FAM228B: variants seen among roughly 807,000 people sequenced by gnomAD.
FAM228B encodes the protein family with sequence similarity 228 member B, also known as protein FAM228B.
A neutral mutation model predicts 42.6 loss-of-function variants in FAM228B; 38 were observed. That is an observed-to-expected ratio of 0.89 (90% CI 0.69 to 1.17). The LOEUF (loss-of-function observed/expected upper bound fraction) is 1.17. Ranked by LOEUF, FAM228B falls within the 50% of genes most tolerant of loss-of-function variation. FAM228B has a pLI of 0.00. For synonymous variants in FAM228B, 109 were observed against 122.3 expected, an observed-to-expected ratio of 0.89 and a Z score of 0.72; for missense variants, 344 against 367.3, an observed-to-expected ratio of 0.94 and a Z score of 0.52.
rs904302981 is a variant in FAM228B at position 24,081,011 on chromosome 2, A to G, written c.-210+56A>G. The G allele has an allele frequency of 1.2e-6, 2 of 1,613,990 alleles. No individual in the cohort carries two copies. Among genetic ancestry groups the G allele is most frequent in the Non-Finnish European group, 1.7e-6 (2 of 1,179,928 alleles). The stretch of plus-strand genomic sequence containing the variant: ...CTCAGTCCTGCATGGATTAGCACAT[A>G]GTCTCCAGCCTGAACATTTCCTGTG... On this transcript the variant is annotated intron_variant, in intron 2 of 10. Coordinates refer to the FAM228B transcript ENST00000613899.
intron 9 of FAM228B, among the ~76,000 whole-genome samples, chr2:24,167,121 C>T (rs1405807517): frequency 1.3e-5 from 2 of 152,122 alleles, no homozygotes; most frequent in African/African-American, 2.4e-5. Context: ...ACATGGCTGC[C>T]GCATAAGCAA....
At chr2:24,130,137 A>G (rs908404950) in intron 2 of FAM228B, among the ~76,000 whole-genome samples, 1 of 152,226 alleles carries the variant, frequency 6.6e-6, no homozygotes, top group Non-Finnish European at 1.5e-5. Flanking sequence ...TGCAAAGGAC[A>G]TGATCTCATT....
chr2:24,105,396 G>T (rs1398420243), intron 3 of FAM228B, among the ~76,000 whole-genome samples: 1 of 152,124 alleles, frequency 6.6e-6, no homozygotes, highest in Non-Finnish European at 1.5e-5. Context: ...CCTTGGTTTG[G>T]TTTGCCCTGT....
intron 7 of FAM228B, among the ~76,000 whole-genome samples, chr2:24,158,221 A>ATT (rs1667203237): frequency 7.9e-4 from 5 of 6,290 alleles, no homozygotes; most frequent in Admixed American, 2.0e-3. Flanking sequence ...TTTCCAAAAC[A>ATT]TTGTTCCCAA....
intron 2 of FAM228B, among the ~76,000 whole-genome samples, chr2:24,129,522 A>G (rs1279170094): frequency 6.6e-6 from 1 of 151,114 alleles, no homozygotes; most frequent in Non-Finnish European, 1.5e-5. Context: ...TTATTTTCTA[A>G]TCTTTATTCT....
intron 4 of FAM228B, 62 bp from the exon 5 acceptor site, chr2:24,139,308 A>C (rs1329618454): frequency 1.0e-6 from 1 of 975,614 alleles, no homozygotes; most frequent in Non-Finnish European, 1.5e-6. Flanking sequence ...TCAAGTCCTG[A>C]TATGCTCAAA....
chr2:24,143,326 GCC>G (rs112479070), intron 5 of FAM228B, among the ~76,000 whole-genome samples: 15,001 of 151,864 alleles, frequency 0.099, 1,665 homozygotes, highest in African/African-American at 0.27. Flanking sequence ...GACTACAGGC[GCC>G]CGCCACCACG....
In FAM228B at chr2:24,105,067, G is replaced by T. The variant is rs776390719; in HGVS notation, c.-121+9838G>T. Among the ~76,000 whole-genome samples, 6 of 152,248 alleles carry T rather than the reference G, an allele frequency of 3.9e-5. 1 individual carries two copies. The highest frequency in any genetic ancestry group is 7.3e-5 in the Non-Finnish European group (5 of 68,038). On this transcript the variant is annotated intron_variant, in intron 3 of 10. Transcript: ENST00000613899. ...TTGCACTGGAAACACCCAGACAGCA[G>T]GGCAGCCAACTGCATCCACCCACCC...
chr2:24,166,786 C>T (rs964759704), intron 9 of FAM228B, among the ~76,000 whole-genome samples: 2 of 152,096 alleles, frequency 1.3e-5, no homozygotes, highest in Admixed American at 6.5e-5. Flanking sequence ...TCTGAGATGA[C>T]GTTTGTGCAG....
intron 5 of FAM228B, among the ~76,000 whole-genome samples, chr2:24,143,893 A>T (rs925146558): frequency 6.6e-6 from 1 of 152,038 alleles, no homozygotes; most frequent in Non-Finnish European, 1.5e-5. Flanking sequence ...TACGCCTGTA[A>T]TCCCAGCTAC....
In FAM228B at chr2:24,084,562, A is replaced by T. The variant is rs1372470072; in HGVS notation, c.-210+3607A>T. ...CTGGGAAGTCCTCGGCCGCCTCCAG[A>T]CCGATCCCACCCGGAACACAGATGG... On this transcript the variant is annotated intron_variant, in intron 2 of 10. Transcript: ENST00000613899. This position sits in a 1 kb window ranked among gnomAD's most constrained non-coding sequence, Gnocchi z 8.4. The T allele has an allele frequency of 4.1e-6, 2 of 489,360 alleles. No individual in the cohort carries two copies. Among genetic ancestry groups the T allele is most frequent in the Non-Finnish European group, 3.5e-6 (1 of 283,366 alleles). 30.3% of individuals were successfully genotyped at this position (489,360 alleles called of 1,614,324 possible).
chr2:24,153,869 A>G (rs1458143334), intron 7 of FAM228B, among the ~76,000 whole-genome samples: 2 of 152,228 alleles, frequency 1.3e-5, no homozygotes, highest in Admixed American at 6.5e-5. Flanking sequence ...GAGAAACTCA[A>G]GTTCCAATCA....
At chr2:24,103,004 C>A (rs1665635762) in intron 3 of FAM228B, among the ~76,000 whole-genome samples, 1 of 152,198 alleles carries the variant, frequency 6.6e-6, no homozygotes, top group Admixed American at 6.5e-5. Context: ...GCCCTCCTTT[C>A]CTGGATGAAT....
At chr2:24,090,722 C>CATTG (rs1665372059) in intron 2 of FAM228B, among the ~76,000 whole-genome samples, 1 of 152,088 alleles carries the variant, frequency 6.6e-6, no homozygotes, top group African/African-American at 2.4e-5. Flanking sequence ...GCCAAAAAGG[C>CATTG]ATTGATTAAA....
chr2:24,155,527 ATATATTTTTTTT>A (rs1251733325), intron 7 of FAM228B, among the ~76,000 whole-genome samples: 1,872 of 18,704 alleles, frequency 0.1, 23 homozygotes, highest in East Asian at 0.3. Flanking sequence ...ATATATATAT[ATATATTTTTTTT>A]TTTTTTTTTT....
intron 3 of FAM228B, among the ~76,000 whole-genome samples, chr2:24,116,626 G>A (rs1256065501): frequency 1.3e-5 from 2 of 152,048 alleles, no homozygotes; most frequent in South Asian, 2.1e-4. Flanking sequence ...AGGCTGAGGC[G>A]GGCAGATCAC....
Position 24,077,680 on chromosome 2 carries a change from C to T in FAM228B, c.-290+711C>T. The T allele has an allele frequency of 6.2e-7, 1 of 1,614,088 alleles. No homozygotes were observed. Among genetic ancestry groups the T allele is most frequent in the South Asian group, 1.1e-5 (1 of 91,080 alleles). ...GTCACTGGGTAGATTCTGTCCAGAACCGGCAGCAGACGTTGGGGGCCCTCC... is the reference window on the plus strand; with the variant it reads ...GTCACTGGGTAGATTCTGTCCAGAATCGGCAGCAGACGTTGGGGGCCCTCC... On this transcript the variant is annotated intron_variant, in intron 1 of 10. Coordinates refer to the FAM228B transcript ENST00000613899. This position sits in a 1 kb window ranked among gnomAD's most constrained non-coding sequence, Gnocchi z 5.5.
At chr2:24,168,616 G>A (rs1667486607) in intron 10 of FAM228B, among the ~76,000 whole-genome samples, 1 of 152,192 alleles carries the variant, frequency 6.6e-6, no homozygotes, top group Admixed American at 6.5e-5. Context: ...ATGCTTTTGT[G>A]GGGTTTTGCT....
At chr2:24,107,953 A>G (rs1382776961) in intron 3 of FAM228B, among the ~76,000 whole-genome samples, 2 of 152,238 alleles carry the variant, frequency 1.3e-5, no homozygotes, top group Non-Finnish European at 2.9e-5. Flanking sequence ...ATTGAGACAC[A>G]AAAACCATAC....
Sources: gnomAD v4.1 joint callset for allele counts (sites outside exome capture counted in the v4.1 genomes callset) on GRCh38, gnomAD v4.1.1 for gene constraint, Gnocchi (gnomAD v3.1) non-coding constraint, MANE v1.5 for transcripts, NCBI Gene and HGNC (gene_info 2026-07-23, HGNC 2026-07-21) for gene names.